The following ZNF469 variants were observed in gnomAD, a reference collection of about 807,000 sequenced individuals.
The protein encoded by ZNF469 is zinc finger protein 469.
In ZNF469, 1 loss-of-function variant was observed where a neutral mutation model predicts 1.0. That is an observed-to-expected ratio of 1.00 (90% CI 0.35 to 4.73). ZNF469 has a LOEUF of 4.73. Ranked by LOEUF, ZNF469 falls within the 30% of genes most tolerant of loss-of-function variation. ZNF469 has a pLI of 0.16. For missense variants in ZNF469, 6,100 were observed against 5,356.3 expected (o/e 1.14, Z -4.33); for synonymous variants, 2,703 against 2,363.4 (o/e 1.14, Z -4.17).
chr16:88,193,266 AGTG>A, the ZNF469 span, among the ~76,000 whole-genome samples: 1 of 33,676 alleles, frequency 3.0e-5, no homozygotes, highest in East Asian at 1.7e-3. Flanking sequence ...TGATGGTGGT[AGTG>A]GTGATGGTGG....
chr16:88,269,618 G>C, the ZNF469 span, among the ~76,000 whole-genome samples: 1 of 152,116 alleles, frequency 6.6e-6, no homozygotes, highest in Non-Finnish European at 1.5e-5. Context: ...CACCATGTCT[G>C]TGTGGCATCC....
the ZNF469 span, among the ~76,000 whole-genome samples, chr16:88,302,954 G>C: frequency 6.6e-6 from 1 of 152,210 alleles, no homozygotes; most frequent in Non-Finnish European, 1.5e-5. Flanking sequence ...TGTGGGAAGG[G>C]CGTGGAACTC....
At chr16:88,145,688 G>T in the ZNF469 span, among the ~76,000 whole-genome samples, 2 of 152,358 alleles carry the variant, frequency 1.3e-5, no homozygotes, top group South Asian at 4.1e-4. Context: ...GGGCTTTCAC[G>T]TCCTCCTTAT....
chr16:88,155,168 C>T, the ZNF469 span, among the ~76,000 whole-genome samples: 4 of 152,214 alleles, frequency 2.6e-5, no homozygotes, highest in African/African-American at 7.2e-5. Context: ...AGACACAGAG[C>T]CTGCAAGTCC....
chr16:88,380,122 A>G (rs1187179300), upstream of ZNF469, among the ~76,000 whole-genome samples: 3 of 110,130 alleles, frequency 2.7e-5, no homozygotes, highest in Non-Finnish European at 5.1e-5. Flanking sequence ...CTCATACACA[A>G]ACACACACAC....
the ZNF469 span, among the ~76,000 whole-genome samples, chr16:88,122,345 G>A: frequency 4.8e-5 from 7 of 146,272 alleles, no homozygotes; most frequent in Non-Finnish European, 9.0e-5. Context: ...GCAGCCACTC[G>A]GATCACACTC....
chr16:88,320,059 A>C, the ZNF469 span, among the ~76,000 whole-genome samples: 1 of 152,174 alleles, frequency 6.6e-6, no homozygotes, highest in African/African-American at 2.4e-5. Flanking sequence ...AATTCAAAGC[A>C]TGGCCAGGCC....
At chr16:88,224,781 G>A in the ZNF469 span, among the ~76,000 whole-genome samples, 1 of 152,192 alleles carries the variant, frequency 6.6e-6, no homozygotes, top group Non-Finnish European at 1.5e-5. Flanking sequence ...GCATGTACAC[G>A]TGTCTCTGTG....
the ZNF469 span, among the ~76,000 whole-genome samples, chr16:88,303,429 T>C: frequency 6.6e-6 from 1 of 152,194 alleles, no homozygotes; most frequent in African/African-American, 2.4e-5. Flanking sequence ...CACTTCCTTG[T>C]GCCCAGCTTT....
At chr16:88,155,049 C>T in the ZNF469 span, among the ~76,000 whole-genome samples, 1 of 152,238 alleles carries the variant, frequency 6.6e-6, no homozygotes, top group South Asian at 2.1e-4. Context: ...GCTGGAGATT[C>T]TGCATCACCA....
the ZNF469 span, among the ~76,000 whole-genome samples, chr16:88,367,027 C>T: frequency 6.6e-6 from 1 of 152,318 alleles, no homozygotes; most frequent in Middle Eastern, 3.4e-3. Context: ...CCACCACCAA[C>T]ATCATCACCA....
intron 1 of ZNF469, among the ~76,000 whole-genome samples, chr16:88,406,935 C>T (rs759488941): frequency 1.3e-5 from 2 of 152,190 alleles, no homozygotes; most frequent in Non-Finnish European, 2.9e-5. Flanking sequence ...CTCGTGGGTC[C>T]CCCTCAGTGG....
Position 88,427,989 on chromosome 16 carries a change from C to T in ZNF469, c.519C>T (p.Pro173=), listed in dbSNP as rs530740920. 12 of 1,550,012 alleles carry T rather than the reference C, an allele frequency of 7.7e-6. No individual in the cohort carries two copies. The highest frequency in any genetic ancestry group is 3.9e-5 in the Admixed American group (2 of 51,000). ...GCCTCCCAAGGACTGAGGCCCAACC[C>T]GCCGCCGAAGAGCTTGGCTTCCACA... is the stretch of plus-strand genomic sequence containing the variant. ...RPGLPRTEAQ[P]AAEELGFHRC... is the part of the protein sequence containing the mutation. The change falls in exon 3 of 3, where the codon CCC becomes CCT. Residue 173 remains proline, a synonymous_variant. Coordinates refer to ENST00000565624, the MANE Select transcript of ZNF469 (RefSeq NM_001367624.2).
rs1233501967 is a variant in ZNF469 at position 88,383,104 on chromosome 16, A to C, written c.-342A>C. ...CCCGCCCCGAGGCGCAGCGCGCGGC[A>C]GAGCGGCTCGGTGCCCGGCGGGCGG... On this transcript the variant is annotated 5_prime_UTR_variant, in exon 1 of 3. Transcript: ENST00000565624. Among the ~76,000 whole-genome samples the C allele has an allele frequency of 2.7e-5, 4 of 150,058 alleles. No individual in the cohort carries two copies. The East Asian group carries it at 7.8e-4, about 29-fold the overall frequency.
chr16:88,200,990 G>C, the ZNF469 span, among the ~76,000 whole-genome samples: 2 of 152,230 alleles, frequency 1.3e-5, no homozygotes, highest in Non-Finnish European at 2.9e-5. Flanking sequence ...AGAGGGCCGG[G>C]CCAGCTGACT....
chr16:88,238,465 G>A, the ZNF469 span, among the ~76,000 whole-genome samples: 2 of 150,476 alleles, frequency 1.3e-5, no homozygotes, highest in Non-Finnish European at 1.5e-5. Context: ...ACCCTAAATA[G>A]ATAGACCCTG....
the ZNF469 span, among the ~76,000 whole-genome samples, chr16:88,337,170 C>A: frequency 6.6e-6 from 1 of 152,192 alleles, no homozygotes; most frequent in East Asian, 1.9e-4. Flanking sequence ...GGCTGTGTCC[C>A]CAACCAAATC....
At chr16:88,112,470 G>T in the ZNF469 span, among the ~76,000 whole-genome samples, 2 of 152,138 alleles carry the variant, frequency 1.3e-5, no homozygotes, top group African/African-American at 2.4e-5. Flanking sequence ...TTGGATAAAG[G>T]CCATTTTAAC....
chr16:88,439,359 G>A lies in ZNF469; in HGVS notation c.*27G>A. ...TTCTAGGAGCAAGAGCCTGGGACCGGAGCTGGGCGTTCCTGTCTCGGCCTG... is the reference window on the plus strand; with the variant it reads ...TTCTAGGAGCAAGAGCCTGGGACCGAAGCTGGGCGTTCCTGTCTCGGCCTG... On this transcript the variant is annotated 3_prime_UTR_variant, in exon 3 of 3. Coordinates refer to ENST00000565624, the MANE Select transcript of ZNF469 (RefSeq NM_001367624.2). 6.5e-7 allele frequency: 1 copy of A among 1,549,836 alleles called. No individual in the cohort carries two copies. The highest frequency in any genetic ancestry group is 8.7e-7 in the Non-Finnish European group (1 of 1,146,832).
Sources: gnomAD v4.1 joint callset for allele counts (sites outside exome capture counted in the v4.1 genomes callset) on GRCh38, gnomAD v4.1.1 for gene constraint, MANE v1.5 for transcripts, NCBI Gene and HGNC (gene_info 2026-07-23, HGNC 2026-07-21) for gene names.